Variants in NEGR1 observed in about 807,000 individuals in gnomAD.
The protein encoded by NEGR1 is IgLON family member 4.
Under a neutral mutation model 40.9 loss-of-function variants are expected in NEGR1, and 10 were observed. That is an observed-to-expected ratio of 0.24 (90% confidence interval 0.15 to 0.42). The LOEUF (loss-of-function observed/expected upper bound fraction) is 0.42, where lower values mean the gene tolerates loss of function less well. Ranked by LOEUF, NEGR1 falls within the 10% of genes least tolerant of loss-of-function variation. The pLI, the probability that NEGR1 is intolerant of heterozygous loss-of-function variation, is 1.00. For missense variants in NEGR1, 352 were observed against 438.9 expected, an observed-to-expected ratio of 0.80 and a Z score of 1.77; for synonymous variants, 185 against 166.8, an observed-to-expected ratio of 1.11 and a Z score of -0.84.
intron 2 of NEGR1, among the ~76,000 whole-genome samples, chr1:71,905,421 GT>G (rs1661249999): frequency 6.6e-6 from 1 of 151,284 alleles, no homozygotes; most frequent in Non-Finnish European, 1.5e-5. Flanking sequence ...TTAGATAAAT[GT>G]TTTTATTTAC....
chr1:71,882,308 T>C (rs184916758), intron 2 of NEGR1, among the ~76,000 whole-genome samples: 2 of 152,238 alleles, frequency 1.3e-5, no homozygotes, highest in African/African-American at 2.4e-5. Flanking sequence ...GAGTTACTTA[T>C]ATCAAAACTC....
At chr1:72,119,896 T>A (rs1328339270) in intron 1 of NEGR1, among the ~76,000 whole-genome samples, 1 of 151,974 alleles carries the variant, frequency 6.6e-6, no homozygotes, top group Non-Finnish European at 1.5e-5. Flanking sequence ...ACTCACATCT[T>A]CTGAAATGTC....
intron 3 of NEGR1, among the ~76,000 whole-genome samples, chr1:71,755,559 T>C (rs1655704291): frequency 1.3e-5 from 2 of 152,196 alleles, no homozygotes; most frequent in Non-Finnish European, 2.9e-5. Context: ...TAAGTCGCTC[T>C]CTTCCCCTCC....
intron 1 of NEGR1, among the ~76,000 whole-genome samples, chr1:72,236,050 T>C (rs1018065352): frequency 4.6e-5 from 7 of 152,026 alleles, no homozygotes; most frequent in Middle Eastern, 3.2e-3. Flanking sequence ...CCATCAATGA[T>C]AGACTGGGTA....
chr1:71,594,257 C>T (rs1195834745), intron 5 of NEGR1, among the ~76,000 whole-genome samples: 1 of 152,098 alleles, frequency 6.6e-6, no homozygotes, highest in Non-Finnish European at 1.5e-5. Context: ...ACAACATAGG[C>T]TATGTAAACT....
intron 4 of NEGR1, among the ~76,000 whole-genome samples, chr1:71,627,382 T>C (rs1352900732): frequency 3.3e-5 from 5 of 152,078 alleles, no homozygotes; most frequent in Admixed American, 1.3e-4. Context: ...ATACTATATA[T>C]CTGGGCATCG....
At chr1:72,216,401 A>G (rs983195819) in intron 1 of NEGR1, among the ~76,000 whole-genome samples, 3 of 130,824 alleles carry the variant, frequency 2.3e-5, no homozygotes, top group Non-Finnish European at 4.7e-5. Flanking sequence ...ATATATATAT[A>G]CATATATATA....
At chr1:71,858,714 T>A (rs1659856289) in intron 2 of NEGR1, among the ~76,000 whole-genome samples, 1 of 152,086 alleles carries the variant, frequency 6.6e-6, no homozygotes, top group Non-Finnish European at 1.5e-5. Flanking sequence ...CAGCAGATGG[T>A]TATTGGGGAA....
At chr1:71,986,367 G>C (rs10889938) in intron 1 of NEGR1, among the ~76,000 whole-genome samples, 1 of 151,866 alleles carries the variant, frequency 6.6e-6, no homozygotes, top group Non-Finnish European at 1.5e-5. Context: ...TTAAGTTTTC[G>C]TTTCTACTTC....
chr1:71,935,354 AT>A, intron 1 of NEGR1, 43 bp from the exon 2 acceptor site: 1 of 1,310,696 alleles, frequency 7.6e-7, no homozygotes, highest in Non-Finnish European at 1.1e-6. Flanking sequence ...CAAAATAAAA[AT>A]GAGAGACAAC....
intron 4 of NEGR1, among the ~76,000 whole-genome samples, chr1:71,681,808 C>G (rs532000557): frequency 6.6e-6 from 1 of 152,130 alleles, no homozygotes; most frequent in African/African-American, 2.4e-5. Context: ...AATTCTGTCT[C>G]TTGGTTTCTC....
chr1:71,625,275 C>G (rs956068991), intron 4 of NEGR1, among the ~76,000 whole-genome samples: 2 of 151,178 alleles, frequency 1.3e-5, no homozygotes, highest in African/African-American at 4.9e-5. Flanking sequence ...TTTCTTTATA[C>G]TTACATGAAT....
intron 2 of NEGR1, among the ~76,000 whole-genome samples, chr1:71,873,344 AT>A (rs1210230082): frequency 6.6e-6 from 1 of 152,020 alleles, no homozygotes; most frequent in Non-Finnish European, 1.5e-5. Context: ...TAGCTAAAAT[AT>A]TGGTTAACAA....
chr1:72,278,832 C>G (rs888933909), intron 1 of NEGR1, among the ~76,000 whole-genome samples: 1 of 152,008 alleles, frequency 6.6e-6, no homozygotes, highest in Non-Finnish European at 1.5e-5. Context: ...CAATTAAAGT[C>G]TATATTTAAT....
chr1:72,037,688 T>A (rs1646915682), intron 1 of NEGR1, among the ~76,000 whole-genome samples: 1 of 152,154 alleles, frequency 6.6e-6, no homozygotes, highest in Non-Finnish European at 1.5e-5. Context: ...TTCATGAATA[T>A]CTGTTTACAA....
intron 3 of NEGR1, among the ~76,000 whole-genome samples, chr1:71,698,997 T>C (rs1312562092): frequency 1.3e-5 from 2 of 151,846 alleles, no homozygotes; most frequent in Non-Finnish European, 2.9e-5. Flanking sequence ...AGAATAAGCC[T>C]TTGTGAATTT....
At chr1:71,444,326 G>A (rs754465843) in intron 6 of NEGR1, among the ~76,000 whole-genome samples, 67 of 152,068 alleles carry the variant, frequency 4.4e-4, no homozygotes, top group Non-Finnish European at 8.8e-4. Flanking sequence ...ACATTAGAAT[G>A]CAAATGCACT....
At chr1:71,556,636 C>T (rs1419271103) in intron 6 of NEGR1, among the ~76,000 whole-genome samples, 1 of 150,820 alleles carries the variant, frequency 6.6e-6, no homozygotes, top group Non-Finnish European at 1.5e-5. Context: ...TAATTACACA[C>T]ACACACACAC....
intron 1 of NEGR1, chr1:72,274,727 G>C: frequency 1.9e-6 from 2 of 1,044,382 alleles, no homozygotes; most frequent in East Asian, 2.4e-5. Flanking sequence ...AAAGTAATTG[G>C]AGTAAAATCG....
Sources: allele counts gnomAD v4.1 joint callset (sites outside exome capture counted in the v4.1 genomes callset), GRCh38; gene constraint gnomAD v4.1.1; transcripts MANE v1.5; gene names NCBI Gene and HGNC (gene_info 2026-07-23, HGNC 2026-07-21).